The following RNF121 variants were observed in gnomAD, a reference collection of about 807,000 sequenced individuals.
RNF121 encodes the protein ring finger protein 121.
A neutral mutation model predicts 46.5 loss-of-function variants in RNF121; 21 were observed. The ratio of observed to expected loss-of-function variants is 0.45; its 90% CI spans 0.32 to 0.65. The LOEUF is 0.65. Ranked by LOEUF, RNF121 falls within the 30% of genes least tolerant of loss-of-function variation. The pLI is 0.04. For missense variants in RNF121, 346 were observed against 416.0 expected, an observed-to-expected ratio of 0.83 and a Z score of 1.46; for synonymous variants, 139 against 144.7, an observed-to-expected ratio of 0.96 and a Z score of 0.28.
At chr11:71,966,689 A>G (rs1042550970) in intron 3 of RNF121, among the ~76,000 whole-genome samples, 4 of 151,602 alleles carry the variant, frequency 2.6e-5, no homozygotes, top group Non-Finnish European at 1.5e-5. Context: ...GGCTCTCACT[A>G]TATTGCCCAG....
At chr11:71,963,569 A>C (rs1279114126) in intron 3 of RNF121, among the ~76,000 whole-genome samples, 1 of 152,184 alleles carries the variant, frequency 6.6e-6, no homozygotes, top group Non-Finnish European at 1.5e-5. Flanking sequence ...GCAATGAGCC[A>C]AGATCGCACC....
intron 1 of RNF121, among the ~76,000 whole-genome samples, chr11:71,940,930 C>T (rs928402542): frequency 6.6e-6 from 1 of 152,190 alleles, no homozygotes; most frequent in Non-Finnish European, 1.5e-5. Context: ...AGTGGTCCAG[C>T]AAAATGAAAA....
chr11:71,932,337 A>G (rs2134140212), intron 1 of RNF121, among the ~76,000 whole-genome samples: 3 of 152,352 alleles, frequency 2.0e-5, no homozygotes, highest in Middle Eastern at 6.8e-3. Context: ...AGAGAGGCTA[A>G]AGAACTTTCC....
At chr11:71,951,547 G>A (rs1953881204) in intron 1 of RNF121, among the ~76,000 whole-genome samples, 1 of 151,424 alleles carries the variant, frequency 6.6e-6, no homozygotes, top group Non-Finnish European at 1.5e-5. Context: ...GATTGCTTGA[G>A]CCCAGGGATT....
intron 1 of RNF121, among the ~76,000 whole-genome samples, chr11:71,940,915 G>C (rs2187496): frequency 0.79 from 120,758 of 152,230 alleles, 49,762 homozygotes; most frequent in Non-Finnish European, 0.92. Context: ...AGGTAAGGAA[G>C]AGTGAGTGGT....
intron 5 of RNF121, among the ~76,000 whole-genome samples, chr11:71,988,476 G>C (rs1050412451): frequency 6.6e-6 from 1 of 152,030 alleles, no homozygotes; most frequent in African/African-American, 2.4e-5. Context: ...TTGTAGGCAG[G>C]AGTCTCTGAA....
chr11:71,994,885 T>C, intron 7 of RNF121, 33 bp downstream of exon 7: 1 of 1,613,796 alleles, frequency 6.2e-7, no homozygotes, highest in Non-Finnish European at 8.5e-7. Flanking sequence ...GCCACATCTC[T>C]CCTGCAATCT....
intron 1 of RNF121, among the ~76,000 whole-genome samples, chr11:71,944,435 T>A (rs1953665393): frequency 6.6e-6 from 1 of 152,112 alleles, no homozygotes; most frequent in South Asian, 2.1e-4. Context: ...GCAGGAAAAA[T>A]TTGCCTTAAT....
At chr11:71,957,012 C>T (rs565769022) in intron 1 of RNF121, among the ~76,000 whole-genome samples, 6 of 152,292 alleles carry the variant, frequency 3.9e-5, no homozygotes, top group Admixed American at 6.5e-5. Context: ...CTAGCACAGA[C>T]GTGCAACACA....
intron 4 of RNF121, among the ~76,000 whole-genome samples, chr11:71,984,345 C>T (rs894981428): frequency 7.3e-5 from 11 of 151,596 alleles, no homozygotes; most frequent in Non-Finnish European, 1.3e-4. Flanking sequence ...GGCACGATCT[C>T]GGCTCACTCG....
intron 1 of RNF121, among the ~76,000 whole-genome samples, chr11:71,952,103 C>T (rs762486012): frequency 2.0e-5 from 3 of 152,112 alleles, no homozygotes; most frequent in Admixed American, 1.3e-4. Flanking sequence ...GGATAAATAA[C>T]GTGGTATTTA....
intron 1 of RNF121, among the ~76,000 whole-genome samples, chr11:71,937,976 A>G (rs1321475089): frequency 1.3e-5 from 2 of 152,228 alleles, no homozygotes; most frequent in Non-Finnish European, 2.9e-5. Context: ...AGCTTTCCCA[A>G]GAGGATGCTG....
chr11:71,957,782 C>A (rs779681891), intron 2 of RNF121, among the ~76,000 whole-genome samples: 1 of 152,098 alleles, frequency 6.6e-6, no homozygotes, highest in Admixed American at 6.6e-5. Flanking sequence ...CTGCAACTAA[C>A]TTGTTTTGTA....
chr11:71,952,401 C>T (rs542255957), intron 1 of RNF121, among the ~76,000 whole-genome samples: 39 of 152,258 alleles, frequency 2.6e-4, no homozygotes, highest in African/African-American at 9.1e-4. Flanking sequence ...GTGATAGTGG[C>T]ACAACTTTGT....
chr11:71,948,877 G>A (rs548426977), intron 1 of RNF121, among the ~76,000 whole-genome samples: 76 of 152,286 alleles, frequency 5.0e-4, no homozygotes, highest in Admixed American at 1.6e-3. Flanking sequence ...TCTTAATCAC[G>A]CAGAATACCA....
rs780274121 is a variant in RNF121, at chr11:71,984,285, C to CT, written c.398+1379dup. On this transcript the variant is annotated intron_variant, in intron 4 of 8. Transcript: ENST00000361756. ...GGATTTTTATAATAGTAACTACTAGCTTTTTTTTTGAGATGGAGTCTCGCT... is the reference window on the plus strand; with the variant it reads ...GGATTTTTATAATAGTAACTACTAGCTTTTTTTTTTGAGATGGAGTCTCGCT... Among the ~76,000 whole-genome samples the CT allele has an allele frequency of 2.8e-3, 424 of 151,612 alleles. 4 individuals carry two copies. Among genetic ancestry groups the CT allele is most frequent in the Admixed American group, 5.5e-3 (83 of 15,214 alleles).
chr11:71,957,380 G>A (rs543737660), intron 2 of RNF121, 116 bp downstream of exon 2: 78 of 755,616 alleles, frequency 1.0e-4, no homozygotes, highest in South Asian at 3.7e-4. Context: ...GCTCATGACC[G>A]GTAGGACTGG....
chr11:71,940,617 A>G (rs1953544702), intron 1 of RNF121, among the ~76,000 whole-genome samples: 1 of 152,212 alleles, frequency 6.6e-6, no homozygotes, highest in African/African-American at 2.4e-5. Flanking sequence ...ACATTTATTC[A>G]TTCCTTCAGT....
At chr11:71,933,556 T>G (rs1953327395) in intron 1 of RNF121, among the ~76,000 whole-genome samples, 1 of 152,234 alleles carries the variant, frequency 6.6e-6, no homozygotes, top group African/African-American at 2.4e-5. Flanking sequence ...TTGAATGGAT[T>G]CAACAGAACC....
Sources: gnomAD v4.1 joint callset for allele counts (sites outside exome capture counted in the v4.1 genomes callset) on GRCh38, gnomAD v4.1.1 for gene constraint, MANE v1.5 for transcripts, NCBI Gene and HGNC (gene_info 2026-07-23, HGNC 2026-07-21) for gene names.